The following ARHGAP24 variants were observed in gnomAD, a reference collection of about 807,000 sequenced individuals.
ARHGAP24 encodes the protein rho GTPase-activating protein 24.
ARHGAP24 carries 50 observed loss-of-function variants against 76.4 expected under a neutral mutation model. The ratio of observed to expected loss-of-function variants is 0.65; its 90% CI spans 0.52 to 0.83. The LOEUF (loss-of-function observed/expected upper bound fraction) is 0.83. Ranked by LOEUF, ARHGAP24 falls within the 40% of genes least tolerant of loss-of-function variation. The pLI is 0.00. For synonymous variants in ARHGAP24, 345 were observed against 323.3 expected (o/e 1.07, Z -0.72); for missense variants, 930 against 914.2 (o/e 1.02, Z -0.22).
chr4:85,514,725 G>A (rs889325644), intron 1 of ARHGAP24, among the ~76,000 whole-genome samples: 1 of 143,376 alleles, frequency 7.0e-6, no homozygotes, highest in African/African-American at 2.5e-5. Flanking sequence ...TTCCATCCAG[G>A]GATCTATTCA....
At chr4:85,728,274 G>T (rs1412850798) in intron 3 of ARHGAP24, among the ~76,000 whole-genome samples, 4 of 143,832 alleles carry the variant, frequency 2.8e-5, no homozygotes, top group Admixed American at 7.0e-5. Flanking sequence ...TACCAAAATT[G>T]CACATACTTT....
chr4:85,738,200 T>G (rs753849590), intron 3 of ARHGAP24, among the ~76,000 whole-genome samples: 31 of 152,206 alleles, frequency 2.0e-4, no homozygotes, highest in Non-Finnish European at 3.7e-4. Context: ...CTATCTTTTT[T>G]ATTATGGCCA....
chr4:85,733,611 A>G (rs1009607140), intron 3 of ARHGAP24, among the ~76,000 whole-genome samples: 1 of 152,132 alleles, frequency 6.6e-6, no homozygotes, highest in African/African-American at 2.4e-5. Context: ...AGCAACAGAA[A>G]TGTATTTTCT....
At chr4:85,738,183 A>G (rs944730643) in intron 3 of ARHGAP24, among the ~76,000 whole-genome samples, 10 of 152,064 alleles carry the variant, frequency 6.6e-5, no homozygotes, top group Admixed American at 5.9e-4. Context: ...GGCCTCCCAG[A>G]GTACATCTAT....
chr4:85,621,718 T>G (rs984569760), intron 2 of ARHGAP24, among the ~76,000 whole-genome samples: 2 of 152,210 alleles, frequency 1.3e-5, no homozygotes, highest in Non-Finnish European at 2.9e-5. Flanking sequence ...GTAGGTTATC[T>G]TTCTACTCTG....
chr4:85,996,094 T>C (rs770895730), intron 9 of ARHGAP24, among the ~76,000 whole-genome samples: 22 of 152,178 alleles, frequency 1.4e-4, no homozygotes, highest in Non-Finnish European at 3.1e-4. Flanking sequence ...CTCCATGTTT[T>C]ATTCTTTCAA....
At chr4:85,803,391 G>A (rs74863618) in intron 3 of ARHGAP24, among the ~76,000 whole-genome samples, 4,414 of 152,286 alleles carry the variant, frequency 0.029, 221 homozygotes, top group African/African-American at 0.1. Flanking sequence ...TTCATTTGCT[G>A]TCTAAGATGG....
chr4:85,586,239 A>G (rs1332042000), intron 2 of ARHGAP24, among the ~76,000 whole-genome samples: 6 of 152,044 alleles, frequency 3.9e-5, no homozygotes, highest in Non-Finnish European at 8.8e-5. Flanking sequence ...TTTGGGTTGA[A>G]ATAGAGTAAG....
intron 2 of ARHGAP24, among the ~76,000 whole-genome samples, chr4:85,662,839 G>A (rs1023691690): frequency 2.0e-4 from 30 of 152,156 alleles, no homozygotes; most frequent in South Asian, 8.3e-4. Context: ...GATATGCGGC[G>A]TTATTTCTGA....
At chr4:85,902,075 G>A (rs967265894) in intron 3 of ARHGAP24, among the ~76,000 whole-genome samples, 7 of 152,138 alleles carry the variant, frequency 4.6e-5, no homozygotes, top group African/African-American at 1.7e-4. Flanking sequence ...AACATGCAGT[G>A]TTTGGTTTTC....
At chr4:85,727,884 G>A (rs772165858) in intron 3 of ARHGAP24, among the ~76,000 whole-genome samples, 4 of 151,894 alleles carry the variant, frequency 2.6e-5, no homozygotes, top group Non-Finnish European at 4.4e-5. Flanking sequence ...CCTTCCTCCA[G>A]GGAAAGAAAA....
rs191742396 is a variant in ARHGAP24, at chr4:85,834,286, A to G, written c.269-89362A>G. Among the ~76,000 whole-genome samples the G allele has an allele frequency of 7.4e-4, 112 of 152,326 alleles. No individual in the cohort carries two copies. In the Middle Eastern group the frequency reaches 0.02, roughly 28 times the overall value. ...GTGACCTTCTTCCATAGGACCTAACACAATTTCTTCCTCATAGTAGGTCCT... is the reference window on the plus strand; with the variant it reads ...GTGACCTTCTTCCATAGGACCTAACGCAATTTCTTCCTCATAGTAGGTCCT... On this transcript the variant is annotated intron_variant, in intron 3 of 9. Coordinates refer to ENST00000395184, the MANE Select transcript of ARHGAP24 (RefSeq NM_001025616.3).
rs185735566 is a variant in ARHGAP24, at chr4:85,642,005, A to G, written c.180+71284A>G. Among the ~76,000 whole-genome samples, 108 of 152,294 alleles carry G rather than the reference A, an allele frequency of 7.1e-4. 1 individual carries two copies. Among genetic ancestry groups the G allele is most frequent in the African/African-American group, 2.4e-3 (99 of 41,584 alleles). On this transcript the variant is annotated intron_variant, in intron 2 of 9. Coordinates refer to ENST00000395184, the MANE Select transcript of ARHGAP24 (RefSeq NM_001025616.3). ...TGGGAAAACCCAGCAAGGCCTGTCCATTCAATGTCTTCTTGATCTCTCTGT... is the reference window on the plus strand; with the variant it reads ...TGGGAAAACCCAGCAAGGCCTGTCCGTTCAATGTCTTCTTGATCTCTCTGT...
chr4:85,575,865 G>C (rs1233894110), intron 2 of ARHGAP24, among the ~76,000 whole-genome samples: 2 of 152,166 alleles, frequency 1.3e-5, no homozygotes, highest in East Asian at 1.9e-4. Flanking sequence ...GCTAGAATTT[G>C]ACACAGCAGG....
intron 3 of ARHGAP24, among the ~76,000 whole-genome samples, chr4:85,789,829 C>T (rs1650138368): frequency 6.6e-6 from 1 of 152,108 alleles, no homozygotes; most frequent in African/African-American, 2.4e-5. Context: ...CTTGAGAAGT[C>T]CTACTCAACC....
chr4:85,865,004 G>A (rs1732114681), intron 3 of ARHGAP24, among the ~76,000 whole-genome samples: 6 of 152,014 alleles, frequency 3.9e-5, no homozygotes, highest in Admixed American at 3.9e-4. Flanking sequence ...TCTTCATGTG[G>A]TGTCATGGCC....
chr4:85,987,364 T>A (rs963846455), intron 8 of ARHGAP24, among the ~76,000 whole-genome samples: 2 of 152,002 alleles, frequency 1.3e-5, no homozygotes, highest in African/African-American at 2.4e-5. Context: ...ACATCTAGAA[T>A]ATATATTTTT....
intron 4 of ARHGAP24, chr4:85,930,709 G>T (rs1736280883): frequency 1.6e-6 from 2 of 1,247,740 alleles, no homozygotes; most frequent in Non-Finnish European, 2.0e-6. Flanking sequence ...AAACTCCCTG[G>T]ATTAGGCAAG....
chr4:85,791,492 C>T (rs1259575726), intron 3 of ARHGAP24, among the ~76,000 whole-genome samples: 2 of 152,154 alleles, frequency 1.3e-5, no homozygotes, highest in African/African-American at 2.4e-5. Flanking sequence ...TCTCCAGGCA[C>T]GAAAGAGAGT....
Sources: allele counts gnomAD v4.1 joint callset (sites outside exome capture counted in the v4.1 genomes callset), GRCh38; gene constraint gnomAD v4.1.1; transcripts MANE v1.5; gene names NCBI Gene and HGNC (gene_info 2026-07-23, HGNC 2026-07-21).